SLCO2B1: variants seen among roughly 807,000 people sequenced by gnomAD.
The protein encoded by SLCO2B1 is solute carrier organic anion transporter family member 2B1.
Under a neutral mutation model 67.3 loss-of-function variants are expected in SLCO2B1, and 41 were observed. The ratio of observed to expected loss-of-function variants is 0.61; its 90% CI spans 0.47 to 0.79. The LOEUF is 0.79. Ranked by LOEUF, SLCO2B1 falls within the 30% of genes least tolerant of loss-of-function variation. SLCO2B1 has a pLI of 0.00. For synonymous variants in SLCO2B1, 379 were observed against 381.4 expected (o/e 0.99, Z 0.07); for missense variants, 837 against 920.1 (o/e 0.91, Z 1.17).
rs1258798008 is a variant in SLCO2B1 at position 75,196,586 on chromosome 11, T to C, written c.1506T>C (p.Pro502=). 3.7e-6 allele frequency: 6 copies of C among 1,613,980 alleles called. No homozygotes were observed. Among genetic ancestry groups the C allele is most frequent in the Admixed American group, 3.3e-5 (2 of 60,002 alleles). The change falls in exon 10 of 14, where the codon CCT becomes CCC. Residue 502 remains proline (P), a synonymous_variant. Transcript: ENST00000289575. ...ACSCPLDGFN[P]VCDPSTRVEY... is the part of the protein sequence containing the mutation. The stretch of plus-strand genomic sequence containing the variant: ...CCTGCCCATTGGACGGCTTTAACCC[T>C]GTCTGCGACCCCAGCACTCGTGTGG...
chr11:75,157,393 C>T (rs1297463852), intron 1 of SLCO2B1, among the ~76,000 whole-genome samples: 1 of 152,150 alleles, frequency 6.6e-6, no homozygotes, highest in Non-Finnish European at 1.5e-5. Context: ...CTTTCATCCT[C>T]AGGAGATGCT....
intron 11 of SLCO2B1, 50 bp from the exon 12 acceptor site, chr11:75,202,851 G>C: frequency 6.5e-7 from 1 of 1,528,432 alleles, no homozygotes; most frequent in Non-Finnish European, 9.1e-7. Flanking sequence ...CATGGCCCTT[G>C]GGGGCTGGAA....
intron 3 of SLCO2B1, 88 bp downstream of exon 3, chr11:75,164,188 T>A: frequency 7.1e-7 from 1 of 1,417,652 alleles, no homozygotes; most frequent in East Asian, 2.5e-5. Flanking sequence ...TACCCTACCT[T>A]AAGGCCTTCC....
At chr11:75,204,376 C>A in intron 13 of SLCO2B1, 24 bp from the exon 14 acceptor site, 2 of 1,578,326 alleles carry the variant, frequency 1.3e-6, no homozygotes, top group South Asian at 1.2e-5. Flanking sequence ...CTCTTGAGTT[C>A]AAGGGTCCCC....
intron 12 of SLCO2B1, 81 bp downstream of exon 12, chr11:75,203,046 G>A (rs1406490076): frequency 1.5e-6 from 2 of 1,328,270 alleles, no homozygotes; most frequent in South Asian, 1.2e-5. Flanking sequence ...GCACAGGCAT[G>A]AGCGGAATTC....
chr11:75,169,519 G>A, intron 5 of SLCO2B1, 113 bp downstream of exon 5: 2 of 1,208,110 alleles, frequency 1.7e-6, no homozygotes, highest in Admixed American at 2.4e-5. Flanking sequence ...GCCCCATCTG[G>A]CCAGTAAAGG....
intron 7 of SLCO2B1, among the ~76,000 whole-genome samples, chr11:75,179,463 C>T (rs951048729): frequency 1.2e-4 from 18 of 152,090 alleles, no homozygotes; most frequent in African/African-American, 3.6e-4. Context: ...AACTCCTGAC[C>T]TCAAGTGATC....
intron 10 of SLCO2B1, among the ~76,000 whole-genome samples, chr11:75,197,920 T>C (rs999549721): frequency 6.6e-6 from 1 of 152,168 alleles, no homozygotes; most frequent in African/African-American, 2.4e-5. Context: ...AGGGGGACAA[T>C]GTCTGCCTTC....
At chr11:75,155,773 C>T (rs769407976) in intron 1 of SLCO2B1, among the ~76,000 whole-genome samples, 1 of 152,152 alleles carries the variant, frequency 6.6e-6, no homozygotes, top group African/African-American at 2.4e-5. Context: ...AGCCAGGCCT[C>T]GAAAGATAAG....
At chr11:75,176,244 T>C (rs115881705) in intron 7 of SLCO2B1, among the ~76,000 whole-genome samples, 2,140 of 152,192 alleles carry the variant, frequency 0.014, 58 homozygotes, top group African/African-American at 0.049. Context: ...CCAGCAACTC[T>C]CCTGGGCCCG....
chr11:75,172,677 T>C (rs1949977705), intron 7 of SLCO2B1, 108 bp downstream of exon 7: 8 of 1,030,442 alleles, frequency 7.8e-6, no homozygotes, highest in Non-Finnish European at 1.1e-5. Flanking sequence ...CATCTGTAGT[T>C]CCAGCACTTT....
rs992868945 is a variant in SLCO2B1 at position 75,151,232 on chromosome 11, T to C, written c.-150T>C. The stretch of plus-strand genomic sequence containing the variant: ...TGTGGCCCAAGAAGAACTGACCCCG[T>C]GTCTGGAGCTCCCACCGTTATTGCA... On this transcript the variant is annotated 5_prime_UTR_variant, in exon 1 of 14. Coordinates refer to ENST00000289575, the MANE Select transcript of SLCO2B1 (RefSeq NM_007256.5). 21 of 655,758 alleles carry C rather than the reference T, an allele frequency of 3.2e-5. No homozygotes were observed. The highest frequency in any genetic ancestry group is 5.7e-5 in the Non-Finnish European group (21 of 370,234). The allele number at this position is 655,758 out of a possible 1,614,324, so 40.6% of individuals were successfully genotyped here.
At chr11:75,174,751 G>A (rs1208611197) in intron 7 of SLCO2B1, among the ~76,000 whole-genome samples, 1 of 152,216 alleles carries the variant, frequency 6.6e-6, no homozygotes, top group Admixed American at 6.5e-5. Flanking sequence ...CTATATTGCT[G>A]GTTACAGATG....
At chr11:75,163,750 C>T (rs73488706) in intron 2 of SLCO2B1, among the ~76,000 whole-genome samples, 6,555 of 151,702 alleles carry the variant, frequency 0.043, 463 homozygotes, top group African/African-American at 0.15. Flanking sequence ...TCTGGCCTTT[C>T]TTCCCTTTCT....
intron 1 of SLCO2B1, among the ~76,000 whole-genome samples, chr11:75,157,335 G>C (rs979897421): frequency 6.6e-6 from 1 of 152,318 alleles, no homozygotes; most frequent in East Asian, 1.9e-4. Context: ...TGACGGTAAG[G>C]TACAGTTTGA....
intron 7 of SLCO2B1, 85 bp downstream of exon 7, chr11:75,172,654 G>T: frequency 1.6e-6 from 2 of 1,278,132 alleles, no homozygotes; most frequent in Non-Finnish European, 2.2e-6. Context: ...CTTCGGCTGG[G>T]CGTGGTGGCT....
intron 1 of SLCO2B1, chr11:75,152,539 G>C (rs1949704491): frequency 6.6e-6 from 1 of 152,298 alleles, no homozygotes; most frequent in African/African-American, 2.4e-5. Flanking sequence ...TGGGATGGTT[G>C]GGGGGGCGGT....
At chr11:75,154,159 C>T (rs1949721223) in intron 1 of SLCO2B1, among the ~76,000 whole-genome samples, 1 of 150,748 alleles carries the variant, frequency 6.6e-6, no homozygotes. Flanking sequence ...CTCCTGACCT[C>T]GTGATCCATC....
At position 75,183,432 on chromosome 11, in the gene SLCO2B1, G is replaced by C. The variant is rs1198653446; in HGVS notation, c.973-4704G>C. On this transcript the variant is annotated intron_variant, in intron 7 of 13. Transcript: ENST00000289575. ...TACCCAAAAAAATAAGACATGGTAG[G>C]ATTTCAGTTTCCTTCAAATCACACC... Among the ~76,000 whole-genome samples the C allele has an allele frequency of 7.9e-5, 12 of 152,296 alleles. No individual in the cohort carries two copies. In the East Asian group the frequency reaches 1.4e-3, roughly 17 times the overall value.
Sources: allele counts gnomAD v4.1 joint callset (sites outside exome capture counted in the v4.1 genomes callset), GRCh38; gene constraint gnomAD v4.1.1; transcripts MANE v1.5; gene names NCBI Gene and HGNC (gene_info 2026-07-23, HGNC 2026-07-21).